The following TMEM131L variants were observed in gnomAD, a reference collection of about 807,000 sequenced individuals.
The protein encoded by TMEM131L is transmembrane protein 131-like.
In TMEM131L, 54 loss-of-function variants were observed where a neutral mutation model predicts 192.2. The observed-to-expected ratio is 0.28, with a 90% CI of 0.23 to 0.35. TMEM131L has a LOEUF of 0.35. TMEM131L is among the 10% of genes least tolerant of loss of function. The pLI is 1.00. For missense variants in TMEM131L, 1,888 were observed against 1,972.9 expected (o/e 0.96, Z 0.82); for synonymous variants, 701 against 704.9 (o/e 0.99, Z 0.09).
chr4:153,540,152 A>G (rs1433449119), intron 3 of TMEM131L, among the ~76,000 whole-genome samples: 1 of 151,160 alleles, frequency 6.6e-6, no homozygotes. Context: ...ACCCCAAAAC[A>G]AAAAACATCT....
In TMEM131L at chr4:153,589,024, T is replaced by C. The variant is rs756067190; in HGVS notation, c.1670+17T>C. 7.6e-7 allele frequency: 1 copy of C among 1,319,958 alleles called. No individual in the cohort carries two copies. Among genetic ancestry groups the C allele is most frequent in the Non-Finnish European group, 1.1e-6 (1 of 913,846 alleles). The allele number at this position is 1,319,958 out of a possible 1,614,324, so 81.8% of individuals were successfully genotyped here. ...CGTCTGCAAGTACGTCTCCACTGTC[T>C]TCTTTTTTGTTCGGTGGTGGGGAGA... On this transcript the variant is annotated intron_variant, in intron 16 of 34. Coordinates refer to ENST00000409959, the MANE Select transcript of TMEM131L (RefSeq NM_001131007.2).
rs371399612 is a variant in TMEM131L, at chr4:153,555,133, C to T, written c.309-654C>T. Among the ~76,000 whole-genome samples the T allele has an allele frequency of 1.3e-5, 2 of 152,042 alleles. No individual in the cohort carries two copies. The highest frequency in any genetic ancestry group is 4.8e-5 in the African/African-American group (2 of 41,416). The stretch of plus-strand genomic sequence containing the variant: ...GGCTCATAATTTAAATGGATGAGAA[C>T]CTCTGCTGCAAAGTGCTGCCGGATT... On this transcript the variant is annotated intron_variant, in intron 4 of 34. Transcript: ENST00000409959. The surrounding 1 kb of genome is among the most constrained non-coding windows in gnomAD (Gnocchi z 4.1).
chr4:153,612,520 T>C (rs1732705159), intron 26 of TMEM131L, 120 bp downstream of exon 26: 4 of 722,058 alleles, frequency 5.5e-6, no homozygotes, highest in Non-Finnish European at 6.5e-6. Flanking sequence ...ACTGGTGAGT[T>C]TGATGTGTGT....
intron 7 of TMEM131L, among the ~76,000 whole-genome samples, chr4:153,568,266 G>A (rs540723200): frequency 6.6e-6 from 1 of 152,302 alleles, no homozygotes; most frequent in Non-Finnish European, 1.5e-5. Flanking sequence ...ACCAAGATGT[G>A]TGAGTGGGGG....
Position 153,635,537 on chromosome 4 carries a change from C to T in TMEM131L, c.4523C>T (p.Ala1508Val), listed in dbSNP as rs754749680. 1 of 1,614,096 alleles carries T rather than the reference C, an allele frequency of 6.2e-7. No homozygotes were observed. The change falls in exon 34 of 35, where the codon GCT becomes GTT. Residue 1508 changes from alanine to valine, a missense_variant. Coordinates refer to ENST00000409959, the MANE Select transcript of TMEM131L (RefSeq NM_001131007.2). ...TGGAACACCCCACCCAACATGCCTG[C>T]TGCCTGGGGACATGCCAGTTTCATC... ...STWNTPPNMPAAWGHASFISS... is the reference protein window; with the variant it reads ...STWNTPPNMPVAWGHASFISS...
chr4:153,535,358 G>T (rs1469273008), intron 3 of TMEM131L, among the ~76,000 whole-genome samples: 1 of 152,284 alleles, frequency 6.6e-6, no homozygotes, highest in African/African-American at 2.4e-5. Flanking sequence ...TGGATGGGCA[G>T]TTGGGAAGGG....
intron 3 of TMEM131L, among the ~76,000 whole-genome samples, chr4:153,543,707 T>C (rs1736964150): frequency 1.3e-5 from 2 of 152,226 alleles, no homozygotes; most frequent in Admixed American, 1.3e-4. Context: ...GTCTTAGAAA[T>C]ACCTGTCTCC....
chr4:153,614,743 G>A (rs1160293004), intron 26 of TMEM131L, among the ~76,000 whole-genome samples: 1 of 152,170 alleles, frequency 6.6e-6, no homozygotes, highest in Non-Finnish European at 1.5e-5. Context: ...AATTAGAGAG[G>A]GAAGAAGTGG....
At chr4:153,631,479 C>T (rs944403000) in intron 31 of TMEM131L, among the ~76,000 whole-genome samples, 1 of 152,122 alleles carries the variant, frequency 6.6e-6, no homozygotes, top group Non-Finnish European at 1.5e-5. Context: ...TAGATGGATG[C>T]CACACACAGT....
intron 17 of TMEM131L, among the ~76,000 whole-genome samples, chr4:153,591,642 G>A (rs956799575): frequency 2.0e-5 from 3 of 152,140 alleles, no homozygotes; most frequent in African/African-American, 7.2e-5. Flanking sequence ...ACTGGGCAAA[G>A]GGAAGGACGT....
At chr4:153,503,107 G>A (rs1326681430) in intron 3 of TMEM131L, among the ~76,000 whole-genome samples, 2 of 152,102 alleles carry the variant, frequency 1.3e-5, no homozygotes, top group African/African-American at 2.4e-5. Context: ...TTAAAACAAA[G>A]ATATAATTTC....
chr4:153,593,693 A>G lies in TMEM131L; in HGVS notation c.1923-106A>G, dbSNP rs984980934. 7 of 741,148 alleles carry G rather than the reference A, an allele frequency of 9.4e-6. No individual in the cohort carries two copies. The East Asian group carries it at 1.3e-4, about 14-fold the overall frequency. The allele number at this position is 741,148 out of a possible 1,614,324, so 45.9% of individuals were successfully genotyped here. A position where few individuals can be genotyped will look rare whatever the true frequency, so the allele number is the denominator to read the frequency against. On this transcript the variant is annotated intron_variant, in intron 18 of 34. Transcript: ENST00000409959. ...TGAATTTTGTGTGTATGTGTGTGCA[A>G]ATGTACTCACCTATGTATAAATGTA...
At chr4:153,602,874 G>T in intron 23 of TMEM131L, 147 bp downstream of exon 23, 1 of 722,980 alleles carries the variant, frequency 1.4e-6, no homozygotes. Context: ...CATCCATGAA[G>T]TATTCACTGG....
At chr4:153,626,657 G>A (rs1049724069) in intron 30 of TMEM131L, among the ~76,000 whole-genome samples, 3 of 152,126 alleles carry the variant, frequency 2.0e-5, no homozygotes, top group African/African-American at 4.8e-5. Flanking sequence ...CCAGCTACTC[G>A]CTGAGGCTAA....
At chr4:153,519,024 G>A (rs1020021305) in intron 3 of TMEM131L, among the ~76,000 whole-genome samples, 2 of 152,136 alleles carry the variant, frequency 1.3e-5, no homozygotes, top group African/African-American at 4.8e-5. Flanking sequence ...TCAGTTTGTA[G>A]TCTTTATGTG....
rs1267311604 is a variant in TMEM131L at position 153,473,866 on chromosome 4, G to A, written c.217G>A (p.Glu73Lys). The change falls in exon 3 of 35, where the codon GAG becomes AAG. Residue 73 changes from glutamate (E) to lysine (K), a missense_variant. Coordinates refer to ENST00000409959, the MANE Select transcript of TMEM131L (RefSeq NM_001131007.2). ...PTQGDSEEGL[E>K]EPSQEQSFSD... ...ATAGGGTGATTCTGAAGAGGGTCTG[G>A]AGGAGCCTTCTCAAGAACAGAGGTA... 1.3e-6 allele frequency: 2 copies of A among 1,546,332 alleles called. No individual in the cohort carries two copies. Among genetic ancestry groups the A allele is most frequent in the Non-Finnish European group, 1.7e-6 (2 of 1,144,912 alleles).
At chr4:153,602,120 T>TA (rs1466627834) in intron 21 of TMEM131L, 32 bp from the exon 22 acceptor site, 6 of 1,252,672 alleles carry the variant, frequency 4.8e-6, no homozygotes, top group Non-Finnish European at 6.7e-6. Context: ...ATAGTTCACA[T>TA]ATACTAAATA....
At chr4:153,574,594 A>T (rs966235638) in intron 7 of TMEM131L, among the ~76,000 whole-genome samples, 2 of 152,202 alleles carry the variant, frequency 1.3e-5, no homozygotes, top group Non-Finnish European at 2.9e-5. Context: ...ATATGTTGGC[A>T]TAAGAGATTT....
intron 7 of TMEM131L, among the ~76,000 whole-genome samples, chr4:153,567,836 C>T (rs1036498656): frequency 6.6e-6 from 1 of 152,132 alleles, no homozygotes; most frequent in Admixed American, 6.5e-5. Flanking sequence ...AGTCACCAAG[C>T]CCAGCCCCCA....
Sources: gnomAD v4.1 joint callset for allele counts (sites outside exome capture counted in the v4.1 genomes callset) on GRCh38, gnomAD v4.1.1 for gene constraint, Gnocchi (gnomAD v3.1) non-coding constraint, MANE v1.5 for transcripts, NCBI Gene and HGNC (gene_info 2026-07-23, HGNC 2026-07-21) for gene names.